PTCHD4: variants seen among roughly 807,000 people sequenced by gnomAD.
PTCHD4 encodes the protein patched domain containing 4, also known as patched domain-containing protein 4.
In PTCHD4, 33 loss-of-function variants were observed where a neutral mutation model predicts 58.1. That is an observed-to-expected ratio of 0.57 (90% CI 0.43 to 0.76). PTCHD4 has a LOEUF of 0.76. PTCHD4 is among the 30% of genes least tolerant of loss of function. PTCHD4 has a pLI of 0.00. For missense variants in PTCHD4, 1,058 were observed against 1,027.1 expected, an observed-to-expected ratio of 1.03 and a Z score of -0.41; for synonymous variants, 478 against 409.6, an observed-to-expected ratio of 1.17 and a Z score of -2.02.
At chr6:47,907,530 T>A (rs1764931299) in intron 4 of PTCHD4, among the ~76,000 whole-genome samples, 1 of 152,222 alleles carries the variant, frequency 6.6e-6, no homozygotes, top group South Asian at 2.1e-4. Context: ...GAATGCCCTC[T>A]GTTTTCTTTT....
chr6:47,985,345 A>G (rs565565149), intron 4 of PTCHD4, among the ~76,000 whole-genome samples: 1 of 152,254 alleles, frequency 6.6e-6, no homozygotes, highest in South Asian at 2.1e-4. Context: ...TAGGACACAG[A>G]TGCAATTTTA....
At chr6:47,881,856 C>T (rs559117257) in intron 4 of PTCHD4, among the ~76,000 whole-genome samples, 143 of 152,148 alleles carry the variant, frequency 9.4e-4, no homozygotes, top group Middle Eastern at 3.4e-3. Flanking sequence ...CTGTCTCTTA[C>T]GGGTCTCCAA....
chr6:48,006,318 T>C (rs1221008688), intron 4 of PTCHD4, among the ~76,000 whole-genome samples: 5 of 151,028 alleles, frequency 3.3e-5, no homozygotes, highest in African/African-American at 7.4e-5. Flanking sequence ...CGGAAATACC[T>C]CTCGGGCTTC....
intron 4 of PTCHD4, among the ~76,000 whole-genome samples, chr6:47,914,803 C>A (rs1765193207): frequency 6.6e-6 from 1 of 151,004 alleles, no homozygotes; most frequent in Non-Finnish European, 1.5e-5. Context: ...TTTGTACCAT[C>A]TCCTGTTGTT....
chr6:47,923,468 C>T lies in PTCHD4; in HGVS notation c.899-43532G>A, dbSNP rs147408187. Among the ~76,000 whole-genome samples, 1,361 of 152,260 alleles carry T rather than the reference C, an allele frequency of 8.9e-3. 10 individuals are homozygous for T. The highest frequency in any genetic ancestry group is 0.03 in the South Asian group (143 of 4,826). ...CAGAGTCCTTACATATAAAAAGAAA[C>T]TTAAGTTGCACAGATCGATGTTGCT... On this transcript the variant is annotated intron_variant, in intron 4 of 4. Coordinates refer to ENST00000339488, the MANE Select transcript of PTCHD4 (RefSeq NM_001384253.1).
At chr6:47,959,256 C>T (rs1048854318) in intron 4 of PTCHD4, among the ~76,000 whole-genome samples, 3 of 152,058 alleles carry the variant, frequency 2.0e-5, no homozygotes. Flanking sequence ...AAGGAAACTT[C>T]TAGAAATAAA....
At chr6:48,002,441 GA>G (rs1768766685) in intron 4 of PTCHD4, among the ~76,000 whole-genome samples, 1 of 152,116 alleles carries the variant, frequency 6.6e-6, no homozygotes, top group Non-Finnish European at 1.5e-5. Context: ...AAAAAATGAT[GA>G]GTTCATGTCC....
intron 4 of PTCHD4, among the ~76,000 whole-genome samples, chr6:47,919,417 C>T (rs1484783958): frequency 6.6e-6 from 1 of 152,062 alleles, no homozygotes; most frequent in East Asian, 1.9e-4. Context: ...GAGAGTGAGC[C>T]ATTGGGTATG....
intron 3 of PTCHD4, among the ~76,000 whole-genome samples, chr6:48,038,774 G>A (rs372853038): frequency 1.3e-5 from 2 of 151,982 alleles, no homozygotes; most frequent in African/African-American, 4.8e-5. Context: ...CAAGAGACTG[G>A]GATAATGAAA....
intron 1 of PTCHD4, among the ~76,000 whole-genome samples, chr6:48,095,229 G>T (rs530177299): frequency 7.9e-5 from 12 of 152,230 alleles, no homozygotes; most frequent in African/African-American, 2.4e-4. Context: ...GTTTTTTAAA[G>T]AAATAATATG....
At chr6:48,066,100 T>TTTTTC (rs1764786311) in intron 3 of PTCHD4, among the ~76,000 whole-genome samples, 1 of 135,098 alleles carries the variant, frequency 7.4e-6, no homozygotes, top group African/African-American at 2.8e-5. Flanking sequence ...TGACATCTAC[T>TTTTTC]TTTTTTTTTT....
chr6:47,886,174 T>C (rs1226518930), intron 4 of PTCHD4, among the ~76,000 whole-genome samples: 1 of 151,978 alleles, frequency 6.6e-6, no homozygotes, highest in African/African-American at 2.4e-5. Context: ...AATATCATTT[T>C]TACAGTTGCC....
chr6:47,912,218 A>C (rs1401136436), intron 4 of PTCHD4, among the ~76,000 whole-genome samples: 1 of 152,122 alleles, frequency 6.6e-6, no homozygotes, highest in South Asian at 2.1e-4. Flanking sequence ...CATATCCTTC[A>C]TGCAACTAGA....
chr6:47,915,704 C>T (rs1468251037), intron 4 of PTCHD4, among the ~76,000 whole-genome samples: 5 of 151,710 alleles, frequency 3.3e-5, no homozygotes, highest in Admixed American at 1.3e-4. Context: ...CAGTGCTTGA[C>T]ATTTATAATT....
intron 4 of PTCHD4, among the ~76,000 whole-genome samples, chr6:47,969,743 G>A (rs1344397419): frequency 6.6e-6 from 1 of 151,858 alleles, no homozygotes; most frequent in African/African-American, 2.4e-5. Flanking sequence ...AAAACTTCAG[G>A]GCATTTAAAA....
At chr6:48,077,256 T>C (rs1455398537) in intron 1 of PTCHD4, among the ~76,000 whole-genome samples, 1 of 152,228 alleles carries the variant, frequency 6.6e-6, no homozygotes, top group Non-Finnish European at 1.5e-5. Flanking sequence ...GAATGATCAA[T>C]GTGGCACCAG....
At chr6:47,886,088 GA>G (rs1561939509) in intron 4 of PTCHD4, among the ~76,000 whole-genome samples, 1 of 149,580 alleles carries the variant, frequency 6.7e-6, no homozygotes, top group East Asian at 2.0e-4. Flanking sequence ...AAAGTGCTGG[GA>G]TTATAGGCGC....
Position 47,865,514 on chromosome 6 carries a change from T to C in PTCHD4, c.*12789A>G, listed in dbSNP as rs777301575. On this transcript the variant is annotated 3_prime_UTR_variant, in exon 5 of 5. Transcript: ENST00000339488. ...CACAGAGCTAATAACTAGTTACTGT[T>C]ATACCACATTAAATTCACTAATGTG... Among the ~76,000 whole-genome samples the C allele has an allele frequency of 7.2e-5, 11 of 152,064 alleles. No homozygotes were observed. The highest frequency in any genetic ancestry group is 1.2e-4 in the Non-Finnish European group (8 of 67,884).
chr6:48,004,530 T>C (rs910022790), intron 4 of PTCHD4, among the ~76,000 whole-genome samples: 1 of 152,032 alleles, frequency 6.6e-6, no homozygotes, highest in African/African-American at 2.4e-5. Flanking sequence ...TGACAATGAG[T>C]TATAAATTAA....
Sources: gnomAD v4.1 joint callset for allele counts (sites outside exome capture counted in the v4.1 genomes callset) on GRCh38, gnomAD v4.1.1 for gene constraint, MANE v1.5 for transcripts, NCBI Gene and HGNC (gene_info 2026-07-23, HGNC 2026-07-21) for gene names.